Variants in EPCAM observed in about 807,000 individuals in gnomAD.
EPCAM encodes epithelial cell adhesion molecule, also known as adenocarcinoma-associated antigen.
EPCAM carries 39 observed loss-of-function variants against 40.0 expected under a neutral mutation model. That is an observed-to-expected ratio of 0.98 (90% CI 0.76 to 1.27). The LOEUF (loss-of-function observed/expected upper bound fraction) is 1.27, where lower values mean the gene tolerates loss of function less well. Ranked by LOEUF, EPCAM falls within the 50% of genes most tolerant of loss-of-function variation. The pLI, the probability that EPCAM is intolerant of heterozygous loss-of-function variation, is 0.00. For synonymous variants in EPCAM, 168 were observed against 132.3 expected (o/e 1.27, Z -1.85); for missense variants, 503 against 381.2 (o/e 1.32, Z -2.66).
At chr2:47,384,913 G>C (rs1671699821) in intron 7 of EPCAM, among the ~76,000 whole-genome samples, 1 of 152,082 alleles carries the variant, frequency 6.6e-6, no homozygotes, top group Non-Finnish European at 1.5e-5. Context: ...CACCGTGTTG[G>C]CTGGGCTGGT....
rs1041386144 is a variant in EPCAM at position 47,369,451 on chromosome 2, C to G, written c.-55C>G. ...CCTCGTGTCCCACTCCCGGCGCACG[C>G]CCTCCCGCGAGTCCCGGGCCCCTCC... On this transcript the variant is annotated 5_prime_UTR_variant, in exon 1 of 9. Coordinates refer to ENST00000263735, the MANE Select transcript of EPCAM (RefSeq NM_002354.3). 3 of 1,354,220 alleles carry G rather than the reference C, an allele frequency of 2.2e-6. No individual in the cohort carries two copies. In the African/African-American group the frequency reaches 6.2e-5, roughly 28 times the overall value. 83.9% of individuals were successfully genotyped at this position (1,354,220 alleles called of 1,614,324 possible).
chr2:47,373,595 G>C (rs1167417031), intron 2 of EPCAM, 25 bp downstream of exon 2: 2 of 1,556,844 alleles, frequency 1.3e-6, no homozygotes, highest in Non-Finnish European at 1.8e-6. Context: ...CTAATTACCT[G>C]TAAGCTTTAT....
chr2:47,377,206 C>T, intron 5 of EPCAM, 129 bp downstream of exon 5: 1 of 741,002 alleles, frequency 1.3e-6, no homozygotes, highest in Non-Finnish European at 2.5e-6. Flanking sequence ...GATCTGGGTA[C>T]TTAATGTGAA....
Position 47,375,291 on chromosome 2 carries a change from T to G in EPCAM, c.483T>G (p.Ser161Arg), listed in dbSNP as rs762194977. ...KAREKPYDSK[S>R]LRTALQKEIT... The stretch of plus-strand genomic sequence containing the variant: ...GAGAAAAACCTTATGATAGTAAAAG[T>G]TTGCGGACGTAAGTGCAATTAAATG... Residue 161 changes from serine to arginine, a missense_variant, in exon 4 of 9, where the codon AGT becomes AGG. Ser to Arg is a moderately radical substitution (Grantham distance 110, BLOSUM62 -1). Coordinates refer to ENST00000263735, the MANE Select transcript of EPCAM (RefSeq NM_002354.3). 6.2e-7 allele frequency: 1 copy of G among 1,609,338 alleles called. No homozygotes were observed. The highest frequency in any genetic ancestry group is 1.1e-5 in the South Asian group (1 of 90,978).
intron 7 of EPCAM, among the ~76,000 whole-genome samples, chr2:47,380,363 A>G (rs558725642): frequency 2.6e-5 from 4 of 152,226 alleles, no homozygotes; most frequent in Non-Finnish European, 5.9e-5. Context: ...CCATATTCCA[A>G]AACATTCAGG....
At chr2:47,369,876 C>G in intron 1 of EPCAM, 1 of 518,052 alleles carries the variant, frequency 1.9e-6, no homozygotes, top group East Asian at 3.7e-5. Flanking sequence ...TCCAGGTTTC[C>G]TGCGGCCACC....
chr2:47,385,292 A>T, intron 8 of EPCAM, 82 bp downstream of exon 8: 1 of 1,120,270 alleles, frequency 8.9e-7, no homozygotes, highest in South Asian at 1.2e-5. Context: ...ACACTGATGC[A>T]TTTCAGTTAT....
chr2:47,376,844 T>C (rs921712212), intron 4 of EPCAM, among the ~76,000 whole-genome samples, 170 bp from the exon 5 acceptor site: 8 of 152,200 alleles, frequency 5.3e-5, no homozygotes, highest in Non-Finnish European at 2.9e-5. Context: ...TGAATATCAA[T>C]GGATGATTCC....
chr2:47,375,317 C>T lies in EPCAM; in HGVS notation c.491+18C>T. 6.5e-7 allele frequency: 1 copy of T among 1,547,754 alleles called. No homozygotes were observed. Among genetic ancestry groups the T allele is most frequent in the Non-Finnish European group, 8.9e-7 (1 of 1,119,600 alleles). ...TTGCGGACGTAAGTGCAATTAAATG[C>T]ATCATATTCTTGCACAGTTGGTGGC... On this transcript the variant is annotated intron_variant, in intron 4 of 8. Coordinates refer to ENST00000263735, the MANE Select transcript of EPCAM (RefSeq NM_002354.3).
intron 7 of EPCAM, among the ~76,000 whole-genome samples, chr2:47,384,460 C>T (rs1047185850): frequency 6.6e-6 from 1 of 151,864 alleles, no homozygotes; most frequent in Non-Finnish European, 1.5e-5. Context: ...GTCGCCCAGG[C>T]TGGAGTGCAA....
At chr2:47,377,749 T>G (rs968100018) in intron 5 of EPCAM, 3 of 461,258 alleles carry the variant, frequency 6.5e-6, no homozygotes, top group African/African-American at 2.0e-5. Context: ...ATATTTACTT[T>G]AGGATGTTAC....
Position 47,382,515 on chromosome 2 carries a change from C to T in EPCAM, c.858+2546C>T, listed in dbSNP as rs138423452. On this transcript the variant is annotated intron_variant, in intron 7 of 8. Coordinates refer to ENST00000263735, the MANE Select transcript of EPCAM (RefSeq NM_002354.3). ...CAGCCTGACCAACACGGAGAAACCC[C>T]GTCTCTACTAAAAATACAAAATGAG... Among the ~76,000 whole-genome samples the T allele has an allele frequency of 1.4e-4, 22 of 152,126 alleles. No homozygotes were observed. In the East Asian group the frequency reaches 3.7e-3, roughly 25 times the overall value.
At chr2:47,386,475 G>A (rs1671744742) in intron 8 of EPCAM, 97 bp from the exon 9 acceptor site, 1 of 917,364 alleles carries the variant, frequency 1.1e-6, no homozygotes, top group South Asian at 1.6e-5. Flanking sequence ...ATTATCTTGT[G>A]TTCCTTTAAT....
chr2:47,370,669 C>T (rs1671237416), intron 1 of EPCAM, among the ~76,000 whole-genome samples: 1 of 152,048 alleles, frequency 6.6e-6, no homozygotes, highest in Non-Finnish European at 1.5e-5. Flanking sequence ...GCCTCCCGGC[C>T]TCAGACCATC....
rs1336043272 is a variant in EPCAM, at chr2:47,375,202, T to C, written c.426-32T>C. 2.0e-6 allele frequency: 3 copies of C among 1,474,050 alleles called. No individual in the cohort carries two copies. The African/African-American group carries it at 4.2e-5, about 20-fold the overall frequency. 91.3% of individuals were successfully genotyped at this position (1,474,050 alleles called of 1,614,324 possible). ...GAAAATAGTATGGAAGACTGAGTTA[T>C]AGTCAACTGACATTGTCTTTTTACT... On this transcript the variant is annotated intron_variant, in intron 3 of 8. Coordinates refer to ENST00000263735, the MANE Select transcript of EPCAM (RefSeq NM_002354.3).
chr2:47,369,689 C>T, intron 1 of EPCAM, 108 bp downstream of exon 1: 1 of 1,171,508 alleles, frequency 8.5e-7, no homozygotes. Context: ...ACCAAGAGGC[C>T]GCGCTTTCCA....
intron 7 of EPCAM, 33 bp downstream of exon 7, chr2:47,380,002 G>C (rs369828181): frequency 6.3e-7 from 1 of 1,578,208 alleles, no homozygotes; most frequent in African/African-American, 1.4e-5. Flanking sequence ...TTCATTTAAG[G>C]GTATATTTTT....
intron 7 of EPCAM, among the ~76,000 whole-genome samples, chr2:47,384,905 C>T (rs920979421): frequency 1.3e-5 from 2 of 152,070 alleles, no homozygotes; most frequent in African/African-American, 4.8e-5. Flanking sequence ...TGGGGTTTCA[C>T]CGTGTTGGCT....
chr2:47,375,330 C>T (rs780087758), intron 4 of EPCAM, 31 bp downstream of exon 4: 5 of 1,428,300 alleles, frequency 3.5e-6, no homozygotes, highest in African/African-American at 2.8e-5. Context: ...CATATTCTTG[C>T]ACAGTTGGTG....
Sources: allele counts gnomAD v4.1 joint callset (sites outside exome capture counted in the v4.1 genomes callset), GRCh38; gene constraint gnomAD v4.1.1; transcripts MANE v1.5; gene names NCBI Gene and HGNC (gene_info 2026-07-23, HGNC 2026-07-21).